Variants in CLTRN observed in about 807,000 individuals in gnomAD.
CLTRN encodes the protein collectrin, amino acid transport regulator, also known as collectrin.
CLTRN carries 12 observed loss-of-function variants against 14.5 expected under a neutral mutation model. The ratio of observed to expected loss-of-function variants is 0.83; its 90% CI spans 0.53 to 1.34. CLTRN has a LOEUF of 1.34. CLTRN is among the 40% of genes most tolerant of loss of function. The pLI is 0.00. For synonymous variants in CLTRN, 58 were observed against 56.5 expected (o/e 1.03, Z -0.12); for missense variants, 154 against 165.1 (o/e 0.93, Z 0.37).
upstream of CLTRN, among the ~76,000 whole-genome samples, chrX:15,667,181 G>A (rs1929637255): frequency 9.0e-6 from 1 of 111,593 alleles, no homozygotes; most frequent in African/African-American, 3.3e-5. Context: ...AGCTTGCAGT[G>A]AGCCGAGATC....
intron 5 of CLTRN, among the ~76,000 whole-genome samples, chrX:15,636,737 C>A (rs143604123): frequency 9.0e-6 from 1 of 111,323 alleles, no homozygotes; most frequent in African/African-American, 3.3e-5. Context: ...TGGCTTAAGC[C>A]GATCTTGGAT....
At chrX:15,637,518 A>C (rs1482533095) in intron 5 of CLTRN, among the ~76,000 whole-genome samples, 1 of 112,218 alleles carries the variant, frequency 8.9e-6, no homozygotes, top group Non-Finnish European at 1.9e-5. Context: ...CTGCTTTCCC[A>C]GTTTGAACAT....
intron 3 of CLTRN, among the ~76,000 whole-genome samples, chrX:15,657,297 G>C (rs1392240924): frequency 8.9e-6 from 1 of 112,482 alleles, no homozygotes; most frequent in East Asian, 2.8e-4. Context: ...ACTGCACCCA[G>C]CCCCAGTGCC....
intron 5 of CLTRN, among the ~76,000 whole-genome samples, chrX:15,633,909 A>G (rs1216466645): frequency 8.9e-6 from 1 of 112,330 alleles, no homozygotes; most frequent in African/African-American, 3.2e-5. Flanking sequence ...TCCACAATAC[A>G]TACTATAGCT....
rs1491104582 is a variant in CLTRN, at chrX:15,641,637, T to TGTGTGTGC, written c.318-1882_318-1881insGCACACAC. Among the ~76,000 whole-genome samples the TGTGTGTGC allele has an allele frequency of 1.9e-4, 3 of 15,644 alleles. No homozygotes were observed. The African/African-American group carries it at 2.3e-3, about 12-fold the overall frequency. The allele number at this position is 15,644 out of a possible 115,157, so 13.6% of individuals were successfully genotyped here. On this transcript the variant is annotated intron_variant, in intron 4 of 5. Transcript: ENST00000380342. ...ACAGGTGTGTGCCACCACACCTGGC[T>TGTGTGTGC]GTGTGTGTGTGTGTGTGTGTGTGTG...
In CLTRN at chrX:15,639,603, T is replaced by C. The variant is rs756969020; in HGVS notation, c.471A>G (p.Ala157=). ...TCCCTGATAAAATCAGTAGTGCAAT[T>C]GCAACTATGATGATGCAAAATATCA... ...FGVIFCIIIV[A]IALLILSGIW... is the part of the protein sequence containing the mutation. Residue 157 remains alanine, a synonymous_variant, in exon 5 of 6, where the codon GCA becomes GCG. Coordinates refer to ENST00000380342, the MANE Select transcript of CLTRN (RefSeq NM_020665.6). The C allele has an allele frequency of 2.2e-5, 26 of 1,208,721 alleles. No homozygotes were observed. Among genetic ancestry groups the C allele is most frequent in the Non-Finnish European group, 2.6e-5 (23 of 894,535 alleles).
At chrX:15,669,588 C>G (rs1929679828), upstream of CLTRN, among the ~76,000 whole-genome samples, 1 of 111,817 alleles carries the variant, frequency 8.9e-6, no homozygotes, top group Admixed American at 9.5e-5. Context: ...AACTATGGAT[C>G]TACTGCTCTG....
intron 3 of CLTRN, among the ~76,000 whole-genome samples, chrX:15,657,367 A>G (rs1200349786): frequency 8.9e-6 from 1 of 112,260 alleles, no homozygotes; most frequent in African/African-American, 3.2e-5. Flanking sequence ...GACTCCTACA[A>G]TGCTCCAGAT....
upstream of CLTRN, among the ~76,000 whole-genome samples, chrX:15,667,053 T>C (rs1222454429): frequency 4.0e-5 from 4 of 99,504 alleles, no homozygotes; most frequent in South Asian, 1.8e-3. Context: ...CTGGCCAAGA[T>C]GGTGAAACCC....
At chrX:15,648,504 A>T (rs1490797350) in intron 3 of CLTRN, among the ~76,000 whole-genome samples, 2 of 111,144 alleles carry the variant, frequency 1.8e-5, no homozygotes, top group Non-Finnish European at 3.8e-5. Flanking sequence ...AGAGCTATAT[A>T]ATTTTTTAAA....
In CLTRN at chrX:15,627,950, A is replaced by G. The variant is rs1422993376; in HGVS notation, c.*21T>C. The G allele has an allele frequency of 3.0e-6, 3 of 1,000,207 alleles. No homozygotes were observed. The highest frequency in any genetic ancestry group is 3.8e-6 in the Non-Finnish European group (3 of 780,210). 82.4% of individuals were successfully genotyped at this position (1,000,207 alleles called of 1,213,427 possible). A position where few individuals can be genotyped will look rare whatever the true frequency, so the allele number is the denominator to read the frequency against. On this transcript the variant is annotated 3_prime_UTR_variant, in exon 6 of 6. Transcript: ENST00000380342. The stretch of plus-strand genomic sequence containing the variant: ...ACAGAAACAAATGTTTAATTTCTTG[A>G]GGAAGCAGAACAACAGCCCTTCAGA...
chrX:15,629,684 T>C (rs1275235754), intron 5 of CLTRN, among the ~76,000 whole-genome samples: 1 of 111,854 alleles, frequency 8.9e-6, no homozygotes, highest in Non-Finnish European at 1.9e-5. Flanking sequence ...ATGAGGATTA[T>C]CAATGGATAC....
chrX:15,630,282 T>C (rs932289433), intron 5 of CLTRN, among the ~76,000 whole-genome samples: 2 of 110,489 alleles, frequency 1.8e-5, no homozygotes, highest in African/African-American at 3.3e-5. Flanking sequence ...ATTAGATGTA[T>C]GTATGTATGG....
chrX:15,650,156 G>A, intron 3 of CLTRN, among the ~76,000 whole-genome samples: 1 of 102,526 alleles, frequency 9.8e-6, no homozygotes, highest in African/African-American at 3.6e-5. Flanking sequence ...AGATATCCTT[G>A]GGAGCAATTG....
chrX:15,637,783 C>A (rs1928851539), intron 5 of CLTRN, among the ~76,000 whole-genome samples: 1 of 112,057 alleles, frequency 8.9e-6, no homozygotes, highest in Non-Finnish European at 1.9e-5. Flanking sequence ...CTCTTTTTAT[C>A]CCACCAAGTT....
chrX:15,667,593 T>G (rs1929646503), upstream of CLTRN, among the ~76,000 whole-genome samples: 1 of 113,044 alleles, frequency 8.8e-6, no homozygotes, highest in South Asian at 3.6e-4. Flanking sequence ...TTGGAACATA[T>G]CTTTCTGCCT....
rs776301625 is a variant in CLTRN, at chrX:15,635,932, C to T, written c.512+3630G>A. On this transcript the variant is annotated intron_variant, in intron 5 of 5. Coordinates refer to ENST00000380342, the MANE Select transcript of CLTRN (RefSeq NM_020665.6). The stretch of plus-strand genomic sequence containing the variant: ...CAAAAGAAGACATACAAATGCCCAA[C>T]GGGTACATGAAAGAATGCTCAACTT... Among the ~76,000 whole-genome samples, 11 of 111,649 alleles carry T rather than the reference C, an allele frequency of 9.9e-5. No homozygotes were observed. The East Asian group carries it at 2.0e-3, about 20-fold the overall frequency.
chrX:15,673,580 TAG>T (rs1413824874), intron 1 of CLTRN, among the ~76,000 whole-genome samples: 3 of 112,520 alleles, frequency 2.7e-5, no homozygotes, highest in Non-Finnish European at 5.6e-5. Flanking sequence ...ATAAATGAGA[TAG>T]AGTTCTCAGA....
chrX:15,669,436 G>A (rs1041363295), upstream of CLTRN, among the ~76,000 whole-genome samples: 2 of 112,182 alleles, frequency 1.8e-5, no homozygotes, highest in African/African-American at 6.5e-5. Context: ...AGAGTTTAGA[G>A]CATGTAGATT....
Sources: gnomAD v4.1 joint callset for allele counts (sites outside exome capture counted in the v4.1 genomes callset) on GRCh38, gnomAD v4.1.1 for gene constraint, MANE v1.5 for transcripts, NCBI Gene and HGNC (gene_info 2026-07-23, HGNC 2026-07-21) for gene names.